NEDD9: variants seen among roughly 807,000 people sequenced by gnomAD.
NEDD9 encodes the protein neural precursor cell expressed, developmentally down-regulated 9, also known as enhancer of filamentation 1.
In NEDD9, 26 loss-of-function variants were observed where a neutral mutation model predicts 76.6. That is an observed-to-expected ratio of 0.34 (90% CI 0.25 to 0.47). The LOEUF is 0.47. NEDD9 is among the 20% of genes least tolerant of loss of function. NEDD9 has a pLI of 1.00. For missense variants in NEDD9, 937 were observed against 1,058.5 expected (o/e 0.89, Z 1.59); for synonymous variants, 392 against 414.2 (o/e 0.95, Z 0.65).
At chr6:11,283,211 A>G (rs910292208) in intron 3 of NEDD9, among the ~76,000 whole-genome samples, 5 of 152,174 alleles carry the variant, frequency 3.3e-5, no homozygotes, top group African/African-American at 1.2e-4. Context: ...GGCATTCTCC[A>G]TCTCTTTACC....
At chr6:11,264,918 C>T (rs1180189000) in intron 3 of NEDD9, among the ~76,000 whole-genome samples, 1 of 152,196 alleles carries the variant, frequency 6.6e-6, no homozygotes, top group African/African-American at 2.4e-5. Flanking sequence ...AGGCTGGTCT[C>T]AAACTCCTAG....
intron 1 of NEDD9, among the ~76,000 whole-genome samples, chr6:11,229,016 A>T (rs1561798169): frequency 6.6e-6 from 1 of 152,364 alleles, no homozygotes; most frequent in South Asian, 2.1e-4. Context: ...GACCATATTG[A>T]CTAAATTAAA....
chr6:11,233,362 G>A, upstream of NEDD9: 1 of 518,998 alleles, frequency 1.9e-6, no homozygotes, highest in South Asian at 1.4e-5. Flanking sequence ...AGAGTTGCGG[G>A]TCACACATAT....
At position 11,278,339 on chromosome 6, in the gene NEDD9, C is replaced by CT. The variant is rs1463106312; in HGVS notation, c.12+27652dup. Among the ~76,000 whole-genome samples the CT allele has an allele frequency of 2.6e-5, 4 of 152,202 alleles. No homozygotes were observed. In the East Asian group the frequency reaches 7.7e-4, roughly 29 times the overall value. ...TGCCAGACCCTGTCCCCAGCCCTCTCTGTGCACTGACTCACTGAGTCCTTC... is the reference window on the plus strand; with the variant it reads ...TGCCAGACCCTGTCCCCAGCCCTCTCTTGTGCACTGACTCACTGAGTCCTTC... On this transcript the variant is annotated intron_variant, in intron 3 of 3. Coordinates refer to the NEDD9 transcript ENST00000397378.
Position 11,212,942 on chromosome 6 carries a change from G to A in NEDD9, c.459+339C>T, listed in dbSNP as rs1422784504. On this transcript the variant is annotated intron_variant, in intron 2 of 6. Transcript: ENST00000379446. ...GTTTGTTCCACTCAATGAAGAAACA[G>A]AAAAGATAGGAAACGATCTGAGCAC... Among the ~76,000 whole-genome samples the A allele has an allele frequency of 2.0e-5, 3 of 152,234 alleles. No individual in the cohort carries two copies. The East Asian group carries it at 5.8e-4, about 29-fold the overall frequency.
chr6:11,185,072 C>A lies in NEDD9; in HGVS notation c.*90G>T. ...ATTTCATTTTTATATAAAATATCTA[C>A]AAAAATAGATAACATTTACAAAAAC... On this transcript the variant is annotated 3_prime_UTR_variant, in exon 7 of 7. Coordinates refer to ENST00000379446, the MANE Select transcript of NEDD9 (RefSeq NM_006403.4). 7.2e-7 allele frequency: 1 copy of A among 1,383,050 alleles called. No individual in the cohort carries two copies. The highest frequency in any genetic ancestry group is 9.7e-7 in the Non-Finnish European group (1 of 1,028,394). 85.7% of individuals were successfully genotyped at this position (1,383,050 alleles called of 1,614,324 possible). A position where few individuals can be genotyped will look rare whatever the true frequency, so the allele number is the denominator to read the frequency against.
intron 1 of NEDD9, among the ~76,000 whole-genome samples, chr6:11,353,900 G>A (rs1391191352): frequency 6.6e-6 from 1 of 152,130 alleles, no homozygotes; most frequent in East Asian, 1.9e-4. Flanking sequence ...AAGTTGAAAG[G>A]GACTCAAATG....
chr6:11,335,463 C>G (rs1762137340), intron 1 of NEDD9, among the ~76,000 whole-genome samples: 1 of 152,184 alleles, frequency 6.6e-6, no homozygotes, highest in Non-Finnish European at 1.5e-5. Context: ...CATTGGTCAA[C>G]AAAAAGGGAC....
At chr6:11,331,775 A>G (rs886447652) in intron 2 of NEDD9, among the ~76,000 whole-genome samples, 9 of 152,166 alleles carry the variant, frequency 5.9e-5, no homozygotes, top group African/African-American at 2.2e-4. Flanking sequence ...CTCACGGGTA[A>G]GTTTGCAATT....
chr6:11,301,789 C>A (rs941325150), intron 3 of NEDD9, among the ~76,000 whole-genome samples: 2 of 152,150 alleles, frequency 1.3e-5, no homozygotes, highest in African/African-American at 2.4e-5. Context: ...GAAATGAAGG[C>A]AGAAATAAAG....
chr6:11,337,553 G>A (rs1762188303), intron 1 of NEDD9, among the ~76,000 whole-genome samples: 1 of 152,152 alleles, frequency 6.6e-6, no homozygotes, highest in South Asian at 2.1e-4. Flanking sequence ...ATAGTCTTGC[G>A]GGACCACGGT....
intron 2 of NEDD9, among the ~76,000 whole-genome samples, chr6:11,208,457 C>T (rs79795291): frequency 6.6e-6 from 1 of 152,166 alleles, no homozygotes; most frequent in Admixed American, 6.5e-5. Context: ...CCATGGGATT[C>T]GAGCAGCAGC....
chr6:11,199,637 C>CTTTTTTTTT lies in NEDD9; in HGVS notation c.460-5954_460-5946dup, dbSNP rs59651160. On this transcript the variant is annotated intron_variant, in intron 2 of 6. Transcript: ENST00000379446. ...AAAATGAAGAAAAGCTAGGAAAGAT[C>CTTTTTTTTT]TTTTTTTTTTTTTTTTTTTTTTTTT... 27 of 43,144 alleles carry CTTTTTTTTT rather than the reference C, an allele frequency of 6.3e-4. 2 individuals carry two copies. The highest frequency in any genetic ancestry group is 1.1e-3 in the Admixed American group (3 of 2,694). 2.7% of individuals were successfully genotyped at this position (43,144 alleles called of 1,614,324 possible).
intron 1 of NEDD9, among the ~76,000 whole-genome samples, chr6:11,346,845 G>C (rs1762374324): frequency 6.6e-6 from 1 of 152,108 alleles, no homozygotes; most frequent in Non-Finnish European, 1.5e-5. Flanking sequence ...TTCTCTGTGG[G>C]AGCTCATGCT....
chr6:11,239,052 A>G (rs2113285571), intron 3 of NEDD9, among the ~76,000 whole-genome samples: 2 of 152,270 alleles, frequency 1.3e-5, no homozygotes, highest in Middle Eastern at 3.4e-3. Context: ...CTATAGTCTC[A>G]GTTACTTAGG....
intron 1 of NEDD9, among the ~76,000 whole-genome samples, chr6:11,344,574 A>T (rs1762330979): frequency 6.6e-6 from 1 of 152,218 alleles, no homozygotes; most frequent in South Asian, 2.1e-4. Flanking sequence ...GTGTGACCTC[A>T]ATGCCACCTC....
chr6:11,268,058 C>G (rs1760233347), intron 3 of NEDD9, among the ~76,000 whole-genome samples: 2 of 152,046 alleles, frequency 1.3e-5, no homozygotes, highest in Admixed American at 6.5e-5. Context: ...CAGACAGGGC[C>G]CCACTCTGTC....
At position 11,185,642 on chromosome 6, in the gene NEDD9, C is replaced by T. The variant is rs367698401; in HGVS notation, c.2025G>A (p.Glu675=). ...TGTCATTCTCCACGGGCTTTGTAAT[C>T]TCTTGTTCCAACAGCTGGAACTGGC... ...QLSQFQLLEQ[E]ITKPVENDIS... is the part of the protein sequence containing the mutation. Residue 675 remains glutamate (E), a synonymous_variant, in exon 7 of 7, where the codon GAG becomes GAA. Coordinates refer to ENST00000379446, the MANE Select transcript of NEDD9 (RefSeq NM_006403.4). 3 of 1,614,116 alleles carry T rather than the reference C, an allele frequency of 1.9e-6. No homozygotes were observed. The African/African-American group carries it at 4.0e-5, about 22-fold the overall frequency.
upstream of NEDD9, chr6:11,233,139 A>AT (rs1759530606): frequency 4.4e-6 from 2 of 455,240 alleles, no homozygotes; most frequent in Non-Finnish European, 4.4e-6. Context: ...ACCCCTGCTG[A>AT]TACCTCTCTC....
Sources: gnomAD v4.1 joint callset for allele counts (sites outside exome capture counted in the v4.1 genomes callset) on GRCh38, gnomAD v4.1.1 for gene constraint, MANE v1.5 for transcripts, NCBI Gene and HGNC (gene_info 2026-07-23, HGNC 2026-07-21) for gene names.